ANKS1A: variants seen among roughly 807,000 people sequenced by gnomAD.
The protein encoded by ANKS1A is ankyrin repeat and SAM domain-containing protein 1A.
ANKS1A carries 55 observed loss-of-function variants against 120.3 expected under a neutral mutation model. The observed-to-expected ratio is 0.46, with a 90% confidence interval of 0.37 to 0.57. The LOEUF is 0.57. ANKS1A is among the 20% of genes least tolerant of loss of function. The pLI, the probability that ANKS1A is intolerant of heterozygous loss-of-function variation, is 0.00. For synonymous variants in ANKS1A, 590 were observed against 604.7 expected (o/e 0.98, Z 0.36); for missense variants, 1,123 against 1,480.3 (o/e 0.76, Z 3.96).
At chr6:34,985,928 A>T (rs1772176589) in intron 8 of ANKS1A, among the ~76,000 whole-genome samples, 1 of 152,190 alleles carries the variant, frequency 6.6e-6, no homozygotes, top group African/African-American at 2.4e-5. Flanking sequence ...ATGCTCCTTG[A>T]CTTACAGTGG....
chr6:35,023,747 T>C (rs1040496418), intron 11 of ANKS1A: 3 of 347,870 alleles, frequency 8.6e-6, no homozygotes, highest in African/African-American at 2.2e-5. Context: ...TCCCAGAATA[T>C]AGAGGCACCA....
Position 34,889,393 on chromosome 6 carries a change from G to A in ANKS1A, c.-10G>A, listed in dbSNP as rs1288872232. ...TCGGGGAGGGGGTCCAGCGGGTGGCGGCCCTGGGGATGGGGAAGGAGCAGG... is the reference window on the plus strand; with the variant it reads ...TCGGGGAGGGGGTCCAGCGGGTGGCAGCCCTGGGGATGGGGAAGGAGCAGG... On this transcript the variant is annotated 5_prime_UTR_variant, in exon 1 of 24. Coordinates refer to ENST00000360359, the MANE Select transcript of ANKS1A (RefSeq NM_015245.3). The surrounding 1 kb of genome is among the most constrained non-coding windows in gnomAD (Gnocchi z 5.5). 25 of 1,261,206 alleles carry A rather than the reference G, an allele frequency of 2.0e-5. No homozygotes were observed. The highest frequency in any genetic ancestry group is 2.4e-5 in the Non-Finnish European group (24 of 1,005,692). The allele number at this position is 1,261,206 out of a possible 1,614,324, so 78.1% of individuals were successfully genotyped here.
intron 1 of ANKS1A, among the ~76,000 whole-genome samples, chr6:34,911,840 G>A (rs1463221041): frequency 6.6e-6 from 1 of 152,156 alleles, no homozygotes; most frequent in Non-Finnish European, 1.5e-5. Flanking sequence ...GAATAGCAGA[G>A]CAATGGCAGT....
chr6:34,940,832 C>T (rs1306911903), intron 1 of ANKS1A, among the ~76,000 whole-genome samples: 3 of 151,268 alleles, frequency 2.0e-5, no homozygotes, highest in Non-Finnish European at 2.9e-5. Context: ...CGCTTGAACT[C>T]AGCAGGCGGA....
chr6:34,998,293 T>G (rs544356581), intron 10 of ANKS1A, among the ~76,000 whole-genome samples: 1 of 152,330 alleles, frequency 6.6e-6, no homozygotes, highest in South Asian at 2.1e-4. Flanking sequence ...AAGGCCATGT[T>G]AGTGAGACTG....
chr6:35,000,485 CT>C (rs1773109054), intron 10 of ANKS1A, among the ~76,000 whole-genome samples: 2 of 150,564 alleles, frequency 1.3e-5, no homozygotes, highest in Non-Finnish European at 3.0e-5. Flanking sequence ...GAATGGTTAT[CT>C]TCAAAGAAAA....
intron 13 of ANKS1A, among the ~76,000 whole-genome samples, chr6:35,067,174 G>A (rs1776817862): frequency 6.6e-6 from 1 of 152,182 alleles, no homozygotes; most frequent in South Asian, 2.1e-4. Context: ...TGGGGCCATA[G>A]TGGTGAGTAT....
At chr6:34,891,014 A>C (rs1175977678) in intron 1 of ANKS1A, among the ~76,000 whole-genome samples, 2 of 152,242 alleles carry the variant, frequency 1.3e-5, no homozygotes, top group Non-Finnish European at 2.9e-5. Context: ...CAGTTGCAGG[A>C]CAATAAATTT....
chr6:35,000,201 G>C, intron 10 of ANKS1A, among the ~76,000 whole-genome samples: 1 of 150,710 alleles, frequency 6.6e-6, no homozygotes, highest in Non-Finnish European at 1.5e-5. Context: ...CCAGTAACCC[G>C]CAGATGGCCC....
rs35470171 is a variant in ANKS1A at position 35,021,984 on chromosome 6, TA to T, written c.2010+3940del. 1.5e-3 allele frequency among the ~76,000 whole-genome samples: 198 copies of T among 135,992 alleles called. 1 individual carries two copies. The highest frequency in any genetic ancestry group is 1.6e-3 in the African/African-American group (60 of 37,192). 89.2% of individuals were successfully genotyped at this position (135,992 alleles called of 152,430 possible). On this transcript the variant is annotated intron_variant, in intron 11 of 23. Coordinates refer to ENST00000360359, the MANE Select transcript of ANKS1A (RefSeq NM_015245.3). ...CTGAGCGACACAGTGAGACTCTGTC[TA>T]AAAAAAAAAAAAAACAAAACAGAGC...
chr6:34,971,411 A>AAT (rs148672222), intron 3 of ANKS1A, among the ~76,000 whole-genome samples: 4,298 of 152,304 alleles, frequency 0.028, 123 homozygotes, highest in Non-Finnish European at 0.045. Flanking sequence ...GCCTCTTACA[A>AAT]ATACAACTCC....
At chr6:34,927,477 G>C (rs1435498311) in intron 1 of ANKS1A, among the ~76,000 whole-genome samples, 2 of 151,942 alleles carry the variant, frequency 1.3e-5, no homozygotes, top group Non-Finnish European at 2.9e-5. Context: ...TGCTCATTTG[G>C]GCCACTAGGG....
At chr6:34,909,043 C>T (rs967354508) in intron 1 of ANKS1A, among the ~76,000 whole-genome samples, 5 of 152,120 alleles carry the variant, frequency 3.3e-5, no homozygotes, top group Admixed American at 3.3e-4. Context: ...GATAACATTC[C>T]AGTGCCCCAG....
chr6:35,043,962 T>TA (rs1474641310), intron 11 of ANKS1A, among the ~76,000 whole-genome samples: 4 of 152,216 alleles, frequency 2.6e-5, no homozygotes, highest in Admixed American at 2.0e-4. Context: ...GAGCACATTT[T>TA]AAAAAATGAT....
At chr6:35,006,950 G>A (rs1217471687) in intron 10 of ANKS1A, among the ~76,000 whole-genome samples, 1 of 152,070 alleles carries the variant, frequency 6.6e-6, no homozygotes, top group Admixed American at 6.5e-5. Context: ...TTTGAGACCT[G>A]CCTGGGCAAT....
rs1305411696 is a variant in ANKS1A, at chr6:34,989,298, T to C, written c.1284T>C (p.Phe428=). 6.2e-7 allele frequency: 1 copy of C among 1,613,936 alleles called. No homozygotes were observed. Among genetic ancestry groups the C allele is most frequent in the Admixed American group, 1.7e-5 (1 of 60,010 alleles). The change falls in exon 9 of 24, where the codon TTT becomes TTC. Residue 428 remains phenylalanine (F), a synonymous_variant. Transcript: ENST00000360359. ...EEEDHIDKKY[F]PLTASEVLSM... ...AAGACCACATAGATAAGAAGTATTTTCCCTTGACAGCTTCTGAGGTAGAGG... is the reference window on the plus strand; with the variant it reads ...AAGACCACATAGATAAGAAGTATTTCCCCTTGACAGCTTCTGAGGTAGAGG...
intron 10 of ANKS1A, among the ~76,000 whole-genome samples, chr6:35,015,856 C>T (rs1249791260): frequency 1.3e-5 from 2 of 152,236 alleles, no homozygotes; most frequent in African/African-American, 4.8e-5. Context: ...TTATAAAGCA[C>T]TGCTCATTTT....
chr6:35,086,818 C>G lies in ANKS1A; in HGVS notation c.3304-134C>G, dbSNP rs540888116. ...CTCCGCCTGCCCCCAGGGGCCTGCT[C>G]TTTGGCCGAGGAGAATAAGGGCTGC... On this transcript the variant is annotated intron_variant, in intron 22 of 23. Coordinates refer to ENST00000360359, the MANE Select transcript of ANKS1A (RefSeq NM_015245.3). This position sits in a 1 kb window ranked among gnomAD's most constrained non-coding sequence, Gnocchi z 5.1. 38 of 912,734 alleles carry G rather than the reference C, an allele frequency of 4.2e-5. No individual in the cohort carries two copies. The highest frequency in any genetic ancestry group is 3.3e-4 in the South Asian group (23 of 70,124). The allele number at this position is 912,734 out of a possible 1,614,324, so 56.5% of individuals were successfully genotyped here. A position where few individuals can be genotyped will look rare whatever the true frequency, so the allele number is the denominator to read the frequency against.
intron 1 of ANKS1A, among the ~76,000 whole-genome samples, chr6:34,918,448 C>T (rs371387401): frequency 1.3e-5 from 2 of 152,196 alleles, no homozygotes; most frequent in Admixed American, 6.5e-5. Flanking sequence ...GCACCTGGCA[C>T]GTGGTATGTG....
Sources: allele counts gnomAD v4.1 joint callset (sites outside exome capture counted in the v4.1 genomes callset), GRCh38; gene constraint gnomAD v4.1.1; non-coding constraint Gnocchi (gnomAD v3.1); transcripts MANE v1.5; gene names NCBI Gene and HGNC (gene_info 2026-07-23, HGNC 2026-07-21).